Variants in FSTL4 observed in about 807,000 individuals in gnomAD.
FSTL4 encodes follistatin like 4.
A neutral mutation model predicts 78.2 loss-of-function variants in FSTL4; 28 were observed. The ratio of observed to expected loss-of-function variants is 0.36; its 90% CI spans 0.27 to 0.49. The LOEUF (loss-of-function observed/expected upper bound fraction) is 0.49, where lower values mean the gene tolerates loss of function less well. FSTL4 is among the 20% of genes least tolerant of loss of function. FSTL4 has a pLI of 0.98. For synonymous variants in FSTL4, 422 were observed against 440.5 expected (o/e 0.96, Z 0.53); for missense variants, 922 against 1,084.9 (o/e 0.85, Z 2.11).
At chr5:133,819,890 G>T in the FSTL4 span, among the ~76,000 whole-genome samples, 3 of 152,078 alleles carry the variant, frequency 2.0e-5, no homozygotes, top group Non-Finnish European at 4.4e-5. Context: ...TTGGAGATGG[G>T]GCTGCTGCGT....
chr5:133,819,020 G>A, the FSTL4 span, among the ~76,000 whole-genome samples: 2 of 143,308 alleles, frequency 1.4e-5, no homozygotes, highest in Admixed American at 1.4e-4. Context: ...TAGAACGAAG[G>A]AGATCTGCCC....
the FSTL4 span, among the ~76,000 whole-genome samples, chr5:133,735,714 G>T: frequency 5.9e-5 from 9 of 152,094 alleles, no homozygotes; most frequent in South Asian, 4.2e-4. Flanking sequence ...GCAATGCGAG[G>T]CCTCTGCAAG....
At chr5:133,706,645 C>T in the FSTL4 span, among the ~76,000 whole-genome samples, 1 of 152,206 alleles carries the variant, frequency 6.6e-6, no homozygotes, top group Non-Finnish European at 1.5e-5. Context: ...CCACCCTTTA[C>T]TGTGCAAATT....
the FSTL4 span, among the ~76,000 whole-genome samples, chr5:133,701,498 CA>C: frequency 4.5e-5 from 6 of 132,696 alleles, no homozygotes; most frequent in Admixed American, 1.5e-4. Context: ...CACACACACA[CA>C]CACACACACA....
At chr5:133,750,278 A>G in the FSTL4 span, among the ~76,000 whole-genome samples, 1 of 152,296 alleles carries the variant, frequency 6.6e-6, no homozygotes, top group East Asian at 1.9e-4. Flanking sequence ...TTGCTCCATG[A>G]AGTAATTATT....
intron 3 of FSTL4, among the ~76,000 whole-genome samples, chr5:133,474,328 C>G (rs1330462167): frequency 8.3e-6 from 1 of 121,158 alleles, no homozygotes; most frequent in African/African-American, 3.7e-5. Context: ...GGGCCAGGCT[C>G]TTGCTGAGAA....
At chr5:133,732,946 C>T in the FSTL4 span, among the ~76,000 whole-genome samples, 2 of 152,162 alleles carry the variant, frequency 1.3e-5, no homozygotes, top group Non-Finnish European at 2.9e-5. Flanking sequence ...TCCACCAGAC[C>T]CCTCATGCCA....
intron 3 of FSTL4, among the ~76,000 whole-genome samples, chr5:133,544,068 A>G (rs891399310): frequency 2.0e-5 from 3 of 152,124 alleles, no homozygotes; most frequent in Admixed American, 6.5e-5. Flanking sequence ...CTGATCTGCT[A>G]TATTTTCACA....
chr5:133,281,072 T>C (rs1023946069), intron 6 of FSTL4, among the ~76,000 whole-genome samples: 1 of 152,158 alleles, frequency 6.6e-6, no homozygotes, highest in African/African-American at 2.4e-5. Flanking sequence ...GGGTAAACAG[T>C]TGGTGGGTGA....
At chr5:133,602,679 A>G (rs998095303) in intron 2 of FSTL4, among the ~76,000 whole-genome samples, 1 of 152,156 alleles carries the variant, frequency 6.6e-6, no homozygotes, top group African/African-American at 2.4e-5. Context: ...AAGAGCATTA[A>G]ATTGCGTCCT....
intron 6 of FSTL4, among the ~76,000 whole-genome samples, chr5:133,308,060 G>A (rs1027246035): frequency 2.6e-5 from 4 of 152,294 alleles, no homozygotes; most frequent in African/African-American, 2.4e-5. Flanking sequence ...GATTACAGGC[G>A]TGAGCCACCG....
chr5:133,507,019 C>T (rs1399204813), intron 3 of FSTL4, among the ~76,000 whole-genome samples: 1 of 152,142 alleles, frequency 6.6e-6, no homozygotes, highest in Non-Finnish European at 1.5e-5. Flanking sequence ...ACCAGCCTGG[C>T]CAACATGGCA....
At chr5:133,517,441 A>ATATAT (rs1241999793) in intron 3 of FSTL4, among the ~76,000 whole-genome samples, 3 of 30,126 alleles carry the variant, frequency 1.0e-4, no homozygotes, top group African/African-American at 4.8e-4. Context: ...AAAAAAAAAA[A>ATATAT]AAAAAAATAT....
At chr5:133,508,129 A>G (rs925618429) in intron 3 of FSTL4, among the ~76,000 whole-genome samples, 2 of 152,098 alleles carry the variant, frequency 1.3e-5, no homozygotes, top group African/African-American at 4.8e-5. Flanking sequence ...TTTGCACCTC[A>G]CTTTCCTCAT....
rs140451800 is a variant in FSTL4 at position 133,511,998 on chromosome 5, G to A, written c.160+55188C>T. Among the ~76,000 whole-genome samples, 901 of 152,266 alleles carry A rather than the reference G, an allele frequency of 5.9e-3. 7 individuals are homozygous for A. Among genetic ancestry groups the A allele is most frequent in the African/African-American group, 0.02 (820 of 41,518 alleles). ...TTCATGGCTCCACCATGTTTGTAGT[G>A]TTCAGCATTCTGCAAGGTCCTTGCT... On this transcript the variant is annotated intron_variant, in intron 3 of 15. Coordinates refer to ENST00000265342, the MANE Select transcript of FSTL4 (RefSeq NM_015082.2).
chr5:133,293,581 A>G (rs1303737490), intron 6 of FSTL4, among the ~76,000 whole-genome samples: 1 of 152,130 alleles, frequency 6.6e-6, no homozygotes, highest in African/African-American at 2.4e-5. Context: ...GGCCAGTGGA[A>G]TGTGTCAGGA....
intron 6 of FSTL4, among the ~76,000 whole-genome samples, chr5:133,295,903 A>G (rs1190620618): frequency 3.3e-5 from 5 of 151,882 alleles, no homozygotes; most frequent in Non-Finnish European, 7.4e-5. Context: ...ATCCACATTC[A>G]CCTACTCAGT....
chr5:133,511,925 C>A (rs2112888453), intron 3 of FSTL4, among the ~76,000 whole-genome samples: 1 of 152,114 alleles, frequency 6.6e-6, no homozygotes, highest in Non-Finnish European at 1.5e-5. Flanking sequence ...GGCGGGTGAG[C>A]AACCACAGCT....
the FSTL4 span, among the ~76,000 whole-genome samples, chr5:133,752,800 C>T: frequency 6.6e-6 from 1 of 152,090 alleles, no homozygotes; most frequent in African/African-American, 2.4e-5. Context: ...CCAGCACAGA[C>T]ACCCCAGAAT....
Sources: gnomAD v4.1 joint callset for allele counts (sites outside exome capture counted in the v4.1 genomes callset) on GRCh38, gnomAD v4.1.1 for gene constraint, MANE v1.5 for transcripts, NCBI Gene and HGNC (gene_info 2026-07-23, HGNC 2026-07-21) for gene names.